The following MID1 variants were observed in gnomAD, a reference collection of about 807,000 sequenced individuals.
MID1 encodes the protein midline 1.
In MID1, 7 loss-of-function variants were observed where a neutral mutation model predicts 40.4. The observed-to-expected ratio is 0.17, with a 90% CI of 0.10 to 0.33. The LOEUF (loss-of-function observed/expected upper bound fraction) is 0.33. MID1 is among the 10% of genes least tolerant of loss of function. The pLI is 1.00. For missense variants in MID1, 367 were observed against 558.5 expected, an observed-to-expected ratio of 0.66 and a Z score of 3.46; for synonymous variants, 229 against 221.2, an observed-to-expected ratio of 1.04 and a Z score of -0.31.
chrX:10,689,423 G>A (rs1183438246), intron 1 of MID1, among the ~76,000 whole-genome samples: 1 of 111,132 alleles, frequency 9.0e-6, no homozygotes, highest in Non-Finnish European at 1.9e-5. Flanking sequence ...GGGGAAATCC[G>A]CCCCATGATC....
chrX:10,708,257 CTT>C (rs1339294514), intron 1 of MID1, among the ~76,000 whole-genome samples: 1 of 112,028 alleles, frequency 8.9e-6, no homozygotes, highest in African/African-American at 3.2e-5. Context: ...TTCTATGAAA[CTT>C]ATTTTATTTT....
chrX:10,795,239 T>C (rs1171185299), intron 1 of MID1, among the ~76,000 whole-genome samples: 2 of 112,592 alleles, frequency 1.8e-5, no homozygotes, highest in Non-Finnish European at 3.8e-5. Flanking sequence ...TTCAAAACAT[T>C]GTGATATGAA....
At chrX:10,692,096 G>A (rs965039256) in intron 1 of MID1, among the ~76,000 whole-genome samples, 12 of 111,744 alleles carry the variant, frequency 1.1e-4, no homozygotes, top group Admixed American at 2.8e-4. Flanking sequence ...TGTGCACAGC[G>A]GGACATGGAC....
intron 1 of MID1, among the ~76,000 whole-genome samples, chrX:10,738,100 G>A (rs2043498725): frequency 9.0e-6 from 1 of 111,564 alleles, no homozygotes; most frequent in Admixed American, 9.5e-5. Flanking sequence ...AAATCTCAGA[G>A]GGCCAGGCTC....
intron 1 of MID1, among the ~76,000 whole-genome samples, chrX:10,575,895 C>T (rs1339766016): frequency 9.1e-6 from 1 of 109,815 alleles, no homozygotes; most frequent in Non-Finnish European, 1.9e-5. Flanking sequence ...TCTGAATTAT[C>T]ACTGCATTTA....
At position 10,482,521 on chromosome X, in the gene MID1, A is replaced by G. The variant is rs747660873; in HGVS notation, c.972T>C (p.Asp324=). 8.3e-7 allele frequency: 1 copy of G among 1,211,189 alleles called. No homozygotes were observed. The highest frequency in any genetic ancestry group is 1.8e-5 in the South Asian group (1 of 56,958). ...TAGCAGTCTGTAGGAAACGCGCATG[A>G]TCATTCTCCTTCAGAGAGTGTTCCG... ...SQAEHSLKEN[D]HARFLQTAKN... The change falls in exon 5 of 10, where the codon GAT becomes GAC. Residue 324 remains aspartate (D), a synonymous_variant. Coordinates refer to ENST00000317552, the MANE Select transcript of MID1 (RefSeq NM_000381.4).
intron 1 of MID1, among the ~76,000 whole-genome samples, chrX:10,833,040 C>T (rs755532916): frequency 4.4e-5 from 5 of 112,809 alleles, no homozygotes; most frequent in Non-Finnish European, 7.5e-5. Context: ...TATTTTTCCT[C>T]AGTGTCTCAG....
At position 10,449,389 on chromosome X, in the gene MID1, G is replaced by A. The variant is rs767075372; in HGVS notation, c.1983C>T (p.Asp661=). The A allele has an allele frequency of 3.6e-5, 43 of 1,209,151 alleles. No individual in the cohort carries two copies. The East Asian group carries it at 1.3e-3, about 36-fold the overall frequency. ...ITGLPIPDHL[D]CTEQLP ...ACGCTCACGGCAGCTGCTCTGTGCA[G>A]TCCAAATGGTCTGGGATAGGGAGCC... The change falls in exon 10 of 10, where the codon GAC becomes GAT. Residue 661 remains aspartate (D), a synonymous_variant. Transcript: ENST00000317552.
chrX:10,533,096 T>C, intron 2 of MID1, among the ~76,000 whole-genome samples: 1 of 110,022 alleles, frequency 9.1e-6, no homozygotes, highest in Non-Finnish European at 1.9e-5. Flanking sequence ...TTAAATAATT[T>C]TTTTTAAAAT....
rs180813940 is a variant in MID1, at chrX:10,669,082, G to A, written c.-186-48663C>T. 1.2e-4 allele frequency among the ~76,000 whole-genome samples: 13 copies of A among 106,172 alleles called. 1 individual carries two copies. Among genetic ancestry groups the A allele is most frequent in the Non-Finnish European group, 2.5e-4 (13 of 51,659 alleles). The allele number at this position is 106,172 out of a possible 115,157, so 92.2% of individuals were successfully genotyped here. A position where few individuals can be genotyped will look rare whatever the true frequency, so the allele number is the denominator to read the frequency against. ...AAAATACAAAAAATTAGCCGGGCGC[G>A]GTGGCGGGCGCCTGTAGTCCCAGCT... is the stretch of plus-strand genomic sequence containing the variant. On this transcript the variant is annotated intron_variant, in intron 1 of 10. Transcript: ENST00000380785.
intron 1 of MID1, among the ~76,000 whole-genome samples, chrX:10,771,187 T>C: frequency 9.0e-6 from 1 of 110,979 alleles, no homozygotes; most frequent in Non-Finnish European, 1.9e-5. Context: ...AGGAAGCCAA[T>C]TGGACAAAAG....
intron 2 of MID1, among the ~76,000 whole-genome samples, chrX:10,566,352 C>T (rs765776327): frequency 3.9e-4 from 44 of 111,428 alleles, no homozygotes; most frequent in Non-Finnish European, 6.6e-4. Flanking sequence ...CCTCTAAAAT[C>T]CCACATTTGC....
At chrX:10,809,070 C>A (rs1602590624) in intron 1 of MID1, among the ~76,000 whole-genome samples, 2 of 111,696 alleles carry the variant, frequency 1.8e-5, no homozygotes, top group South Asian at 7.5e-4. Context: ...CGAACTCAAA[C>A]AAACTTACAA....
At chrX:10,670,329 C>A (rs1284576435) in intron 1 of MID1, among the ~76,000 whole-genome samples, 1 of 111,631 alleles carries the variant, frequency 9.0e-6, no homozygotes, top group African/African-American at 3.3e-5. Flanking sequence ...AAATTTATTA[C>A]CTAATGATTA....
chrX:10,680,881 A>T (rs2043054540), intron 1 of MID1, among the ~76,000 whole-genome samples: 2 of 108,856 alleles, frequency 1.8e-5, no homozygotes, highest in African/African-American at 6.7e-5. Flanking sequence ...AAATAAAAAT[A>T]AAAAAATGCA....
intron 7 of MID1, among the ~76,000 whole-genome samples, chrX:10,460,982 T>A (rs1928990444): frequency 9.0e-6 from 1 of 110,605 alleles, no homozygotes; most frequent in South Asian, 3.8e-4. Flanking sequence ...CTCCATCTTT[T>A]GAGTTAAAAA....
chrX:10,707,694 A>T (rs1045760147), intron 1 of MID1, among the ~76,000 whole-genome samples: 51 of 112,393 alleles, frequency 4.5e-4, no homozygotes, highest in African/African-American at 1.6e-3. Context: ...TTATGAATAG[A>T]CACATTTTTA....
intron 1 of MID1, among the ~76,000 whole-genome samples, chrX:10,669,696 A>G (rs1054447475): frequency 8.9e-6 from 1 of 112,299 alleles, no homozygotes; most frequent in African/African-American, 3.2e-5. Flanking sequence ...GTAGACAGCT[A>G]TGGTATAAAT....
chrX:10,585,411 G>A (rs947261681), intron 1 of MID1, among the ~76,000 whole-genome samples: 15 of 111,739 alleles, frequency 1.3e-4, no homozygotes, highest in South Asian at 3.8e-4. Context: ...TACATAACAC[G>A]AAGTGACACT....
Sources: allele counts gnomAD v4.1 joint callset (sites outside exome capture counted in the v4.1 genomes callset), GRCh38; gene constraint gnomAD v4.1.1; transcripts MANE v1.5; gene names NCBI Gene and HGNC (gene_info 2026-07-23, HGNC 2026-07-21).